Variants in AMOTL2 observed in about 807,000 individuals in gnomAD.
AMOTL2 encodes angiomotin-like protein 2.
Under a neutral mutation model 78.4 loss-of-function variants are expected in AMOTL2, and 33 were observed. The observed-to-expected ratio is 0.42, with a 90% CI of 0.32 to 0.56. The LOEUF (loss-of-function observed/expected upper bound fraction) is 0.56. AMOTL2 is among the 20% of genes least tolerant of loss of function. The pLI, the probability that AMOTL2 is intolerant of heterozygous loss-of-function variation, is 0.12. For synonymous variants in AMOTL2, 422 were observed against 428.8 expected (o/e 0.98, Z 0.20); for missense variants, 983 against 1,030.1 (o/e 0.95, Z 0.63).
At position 134,359,592 on chromosome 3, in the gene AMOTL2, C is replaced by CG. The variant is rs879782701; in HGVS notation, c.1884-90_1884-89insC. The CG allele has an allele frequency of 1.2e-4, 115 of 968,508 alleles. No homozygotes were observed. The East Asian group carries it at 1.5e-3, about 13-fold the overall frequency. 60.0% of individuals were successfully genotyped at this position (968,508 alleles called of 1,614,324 possible). ...TGCCTCATAGGAGTTAGAGGAAAAG[C>CG]CCCCCCCAACTCCCCCAACCCTGCC... On this transcript the variant is annotated intron_variant, in intron 7 of 9. Transcript: ENST00000249883.
rs775118618 is a variant in AMOTL2, at chr3:134,359,369, G to A, written c.2018C>T (p.Ala673Val). 20 of 1,614,102 alleles carry A rather than the reference G, an allele frequency of 1.2e-5. No individual in the cohort carries two copies. Among genetic ancestry groups the A allele is most frequent in the South Asian group, 6.6e-5 (6 of 91,096 alleles). The change falls in exon 8 of 10, where the codon GCG becomes GTG. Residue 673 changes from alanine to valine, a missense_variant. Ala to Val is a moderately conservative substitution (Grantham distance 64). Transcript: ENST00000249883. ...RPAKSVPSVF[A>V]AAAAGTQGWQ... is the part of the protein sequence containing the mutation. ...GCCCTGGGTTCCTGCTGCCGCAGCC[G>A]CGAAAACAGATGGCACCGACTTGGC...
rs749660523 is a variant in AMOTL2 at position 134,358,611 on chromosome 3, G to A, written c.2213C>T (p.Thr738Ile). 2.0e-5 allele frequency: 32 copies of A among 1,613,786 alleles called. No homozygotes were observed. In the South Asian group the frequency reaches 2.4e-4, roughly 12 times the overall value. The change falls in exon 9 of 10, where the codon ACC becomes ATC. Residue 738 changes from threonine (T) to isoleucine (I), a missense_variant. Thr to Ile is a moderately conservative substitution (Grantham distance 89, BLOSUM62 -1). Transcript: ENST00000249883. The stretch of plus-strand genomic sequence containing the variant: ...AGGCTCCGGTGGCAGGCAGGTGGAG[G>A]TGCTGTCTGGGGGGCCCTCAGTCTG... Reference protein sequence around the residue: ...STQTEGPPDSTSTCLPPEPDS... With the variant: ...STQTEGPPDSISTCLPPEPDS...
upstream of AMOTL2, chr3:134,375,366 A>T: frequency 1.1e-6 from 1 of 907,996 alleles, no homozygotes; most frequent in Middle Eastern, 2.2e-4. Context: ...GTAAATGAGG[A>T]CACCAGGGCT....
At chr3:134,367,828 C>G (rs2017680543) in intron 2 of AMOTL2, 25 bp from the exon 3 acceptor site, 2 of 1,611,652 alleles carry the variant, frequency 1.2e-6, no homozygotes, top group Non-Finnish European at 1.7e-6. Flanking sequence ...AGACGGTGCT[C>G]AGAGACAGCA....
intron 2 of AMOTL2, among the ~76,000 whole-genome samples, chr3:134,368,878 G>C (rs1048870090): frequency 1.3e-5 from 2 of 152,180 alleles, no homozygotes; most frequent in African/African-American, 2.4e-5. Context: ...AGGGCAAGAG[G>C]CACGGGGAGT....
rs35993053 is a variant in AMOTL2 at position 134,361,528 on chromosome 3, G to A, written c.1559C>T (p.Ala520Val). The part of the protein sequence containing the change: ...LRTRLEQELK[A>V]LRAQQRQAGA... Reference sequence around the variant, plus strand: ...TCAGCTCACCTGCTGTGCACGCAGGGCCTTGAGTTCCTGCTCCAGGCGAGT... The same window carrying A: ...TCAGCTCACCTGCTGTGCACGCAGGACCTTGAGTTCCTGCTCCAGGCGAGT... Residue 520 changes from alanine (A) to valine (V), a missense_variant, in exon 6 of 10, where the codon GCC (alanine) becomes GTC (valine). By Grantham distance (64) the Ala-to-Val change is moderately conservative. Transcript: ENST00000249883. The A allele has an allele frequency of 1.0e-3, 1,651 of 1,611,382 alleles. 18 individuals are homozygous for A. In the African/African-American group the frequency reaches 0.02, roughly 19 times the overall value.
chr3:134,374,860 T>C, upstream of AMOTL2: 15 of 1,230,556 alleles, frequency 1.2e-5, no homozygotes, highest in African/African-American at 3.1e-5. Flanking sequence ...GCAAGGGCTG[T>C]ACCACGCGTG....
intron 5 of AMOTL2, among the ~76,000 whole-genome samples, chr3:134,363,661 G>C (rs1043246059): frequency 6.6e-6 from 1 of 152,198 alleles, no homozygotes; most frequent in African/African-American, 2.4e-5. Flanking sequence ...GTGCTGGGGG[G>C]CTGCGTGGCT....
At chr3:134,372,337 T>G (rs3755762) in intron 1 of AMOTL2, among the ~76,000 whole-genome samples, 94,117 of 151,812 alleles carry the variant, frequency 0.62, 29,672 homozygotes, top group East Asian at 0.92. Context: ...GAAGAAGGAG[T>G]AATTGCACCT....
chr3:134,360,422 C>A lies in AMOTL2; in HGVS notation c.1576-9G>T. 6.2e-7 allele frequency: 1 copy of A among 1,605,900 alleles called. No individual in the cohort carries two copies. Among genetic ancestry groups the A allele is most frequent in the Middle Eastern group, 1.7e-4 (1 of 5,980 alleles). On this transcript the variant is annotated splice_polypyrimidine_tract_variant and intron_variant, in intron 6 of 9. Transcript: ENST00000249883. ...GGGGCACCTGCCTGTCTCTGCAGAGCAAGGAGTAGAGACCGTGGTCAAGGG... is the reference window on the plus strand; with the variant it reads ...GGGGCACCTGCCTGTCTCTGCAGAGAAAGGAGTAGAGACCGTGGTCAAGGG...
Position 134,359,279 on chromosome 3 carries a change from T to C in AMOTL2, c.2104+4A>G. Reference sequence around the variant, plus strand: ...AATCTATCCCAGCAGTAGCCTCCTCTTACCTGTAGTCAGCCGAGCAGGGGC... The same window carrying C: ...AATCTATCCCAGCAGTAGCCTCCTCCTACCTGTAGTCAGCCGAGCAGGGGC... On this transcript the variant is annotated splice_donor_region_variant and intron_variant, in intron 8 of 9. Transcript: ENST00000249883. 2 of 1,614,060 alleles carry C rather than the reference T, an allele frequency of 1.2e-6. No homozygotes were observed. The highest frequency in any genetic ancestry group is 1.7e-6 in the Non-Finnish European group (2 of 1,179,908).
In AMOTL2 at chr3:134,361,821, G is replaced by A. The variant is rs766560731; in HGVS notation, c.1280-14C>T. 54 of 1,515,154 alleles carry A rather than the reference G, an allele frequency of 3.6e-5. No homozygotes were observed. Among genetic ancestry groups the A allele is most frequent in the Admixed American group, 1.2e-4 (6 of 49,654 alleles). 93.9% of individuals were successfully genotyped at this position (1,515,154 alleles called of 1,614,324 possible). A position where few individuals can be genotyped will look rare whatever the true frequency, so the allele number is the denominator to read the frequency against. On this transcript the variant is annotated splice_polypyrimidine_tract_variant and intron_variant, in intron 5 of 9. Coordinates refer to ENST00000249883, the MANE Select transcript of AMOTL2 (RefSeq NM_016201.4). ...GCTGTTCGTAGCCTGTAGGGAGAAAGAGGCTTGATCAGTGACAGTGACCAC... is the reference window on the plus strand; with the variant it reads ...GCTGTTCGTAGCCTGTAGGGAGAAAAAGGCTTGATCAGTGACAGTGACCAC...
chr3:134,374,342 C>T lies in AMOTL2; in HGVS notation c.-62G>A, dbSNP rs1197883611. On this transcript the variant is annotated splice_region_variant and 5_prime_UTR_variant, in exon 1 of 10. Coordinates refer to ENST00000249883, the MANE Select transcript of AMOTL2 (RefSeq NM_016201.4). ...CCGAGCGCCGAGCGGCCTTCCTTAC[C>T]GCTGCGGCCCGAGGGTGCCCAGCGC... 2 of 984,058 alleles carry T rather than the reference C, an allele frequency of 2.0e-6. No homozygotes were observed. Among genetic ancestry groups the T allele is most frequent in the African/African-American group, 3.5e-5 (2 of 56,996 alleles). 61.0% of individuals were successfully genotyped at this position (984,058 alleles called of 1,614,324 possible). A position where few individuals can be genotyped will look rare whatever the true frequency, so the allele number is the denominator to read the frequency against.
intron 5 of AMOTL2, among the ~76,000 whole-genome samples, chr3:134,362,023 T>C (rs891338026): frequency 6.6e-6 from 1 of 152,240 alleles, no homozygotes; most frequent in African/African-American, 2.4e-5. Flanking sequence ...TCCAGGACCC[T>C]TGCAGTAACA....
rs762146817 is a variant in AMOTL2 at position 134,371,423 on chromosome 3, A to G, written c.11T>C (p.Leu4Pro). Residue 4 changes from leucine (L) to proline (P), a missense_variant, in exon 2 of 10, where the codon CTG (leucine) becomes CCG (proline). Leu to Pro is a moderately conservative substitution (Grantham distance 98). Transcript: ENST00000249883. MRT[L>P]EDSSGTVLHR... is the part of the protein sequence containing the mutation. ...CAGGACTGTCCCCGAGGAGTCTTCC[A>G]GTGTCCTCATGCTTCTTTGGCTTGC... 6.9e-6 allele frequency: 11 copies of G among 1,602,864 alleles called. No homozygotes were observed. Among genetic ancestry groups the G allele is most frequent in the Non-Finnish European group, 9.3e-6 (11 of 1,179,968 alleles).
intron 6 of AMOTL2, among the ~76,000 whole-genome samples, chr3:134,361,150 G>A (rs1239202581): frequency 4.0e-5 from 6 of 151,614 alleles, no homozygotes; most frequent in Non-Finnish European, 5.9e-5. Flanking sequence ...CAGCCTGGGC[G>A]ACAGAATGAG....
Position 134,357,626 on chromosome 3 carries a change from G to A in AMOTL2, c.*79C>T, listed in dbSNP as rs1057154295. 3.8e-5 allele frequency: 53 copies of A among 1,410,960 alleles called. No homozygotes were observed. Among genetic ancestry groups the A allele is most frequent in the South Asian group, 5.8e-5 (5 of 86,926 alleles). The allele number at this position is 1,410,960 out of a possible 1,614,324, so 87.4% of individuals were successfully genotyped here. ...GGAAAGGGACGGAGCAGCGGTTGAC[G>A]GGGCTGCTGAAATGGCTGAGAGTGG... is the stretch of plus-strand genomic sequence containing the variant. On this transcript the variant is annotated 3_prime_UTR_variant, in exon 10 of 10. Coordinates refer to ENST00000249883, the MANE Select transcript of AMOTL2 (RefSeq NM_016201.4).
At position 134,367,559 on chromosome 3, in the gene AMOTL2, C is replaced by G; in HGVS notation, c.979G>C (p.Asp327His). 6.2e-7 allele frequency: 1 copy of G among 1,613,376 alleles called. No individual in the cohort carries two copies. The highest frequency in any genetic ancestry group is 8.5e-7 in the Non-Finnish European group (1 of 1,180,044). ...AGCTCCCTCTGCAGCCGCTCATTGTCTCTCTGCAGCCTGGCATTCTCCCTC... is the reference window on the plus strand; with the variant it reads ...AGCTCCCTCTGCAGCCGCTCATTGTGTCTCTGCAGCCTGGCATTCTCCCTC... ...VLRENARLQRDNERLQRELES... is the reference protein window; with the variant it reads ...VLRENARLQRHNERLQRELES... The change falls in exon 3 of 10, where the codon GAC (aspartate) becomes CAC (histidine). Residue 327 changes from aspartate to histidine, a missense_variant. Coordinates refer to ENST00000249883, the MANE Select transcript of AMOTL2 (RefSeq NM_016201.4).
chr3:134,363,722 A>G (rs1205846345), intron 5 of AMOTL2, among the ~76,000 whole-genome samples: 2 of 152,190 alleles, frequency 1.3e-5, no homozygotes, highest in Non-Finnish European at 2.9e-5. Context: ...ACACTTTCCT[A>G]GTGTTGACTG....
Sources: allele counts gnomAD v4.1 joint callset (sites outside exome capture counted in the v4.1 genomes callset), GRCh38; gene constraint gnomAD v4.1.1; transcripts MANE v1.5; gene names NCBI Gene and HGNC (gene_info 2026-07-23, HGNC 2026-07-21).